OPCML: variants seen among roughly 807,000 people sequenced by gnomAD.
The protein encoded by OPCML is opioid binding protein/cell adhesion molecule like.
In OPCML, 13 loss-of-function variants were observed where a neutral mutation model predicts 37.8. The ratio of observed to expected loss-of-function variants is 0.34; its 90% CI spans 0.22 to 0.55. OPCML has a LOEUF of 0.55. OPCML is among the 20% of genes least tolerant of loss of function. The pLI, the probability that OPCML is intolerant of heterozygous loss-of-function variation, is 0.91. For synonymous variants in OPCML, 176 were observed against 168.8 expected (o/e 1.04, Z -0.33); for missense variants, 341 against 435.6 (o/e 0.78, Z 1.93).
At chr11:132,756,476 T>A (rs899488696) in intron 2 of OPCML, among the ~76,000 whole-genome samples, 2 of 152,198 alleles carry the variant, frequency 1.3e-5, no homozygotes. Flanking sequence ...ATCATCAACA[T>A]CTTTGCCATG....
chr11:132,754,040 G>A (rs915232986), intron 2 of OPCML, among the ~76,000 whole-genome samples: 2 of 152,272 alleles, frequency 1.3e-5, no homozygotes, highest in African/African-American at 2.4e-5. Context: ...ATCCATTAAG[G>A]TCTACTGTGC....
intron 1 of OPCML, among the ~76,000 whole-genome samples, chr11:133,120,609 CAT>C (rs1949405824): frequency 6.6e-6 from 1 of 152,208 alleles, no homozygotes; most frequent in Admixed American, 6.5e-5. Flanking sequence ...CCTAGGAAAT[CAT>C]AGTCAATAAT....
intron 2 of OPCML, among the ~76,000 whole-genome samples, chr11:132,810,064 T>G (rs1264383559): frequency 1.3e-5 from 2 of 152,044 alleles, no homozygotes; most frequent in Non-Finnish European, 2.9e-5. Context: ...TTGGCCAGGA[T>G]GGACTCGAAG....
At chr11:132,615,617 T>A (rs1938959391) in intron 3 of OPCML, among the ~76,000 whole-genome samples, 1 of 152,242 alleles carries the variant, frequency 6.6e-6, no homozygotes, top group Non-Finnish European at 1.5e-5. Context: ...AAGTGATTTA[T>A]ATGAGAGGAA....
At chr11:132,680,828 A>G (rs111742125) in intron 2 of OPCML, among the ~76,000 whole-genome samples, 2,698 of 152,220 alleles carry the variant, frequency 0.018, 68 homozygotes, top group African/African-American at 0.051. Context: ...TGAGACTGAC[A>G]AGCCGCTCCT....
At chr11:132,808,339 G>A (rs1009185618) in intron 2 of OPCML, among the ~76,000 whole-genome samples, 5 of 152,226 alleles carry the variant, frequency 3.3e-5, no homozygotes, top group Non-Finnish European at 7.3e-5. Flanking sequence ...TCAGCAGGAA[G>A]ACCTGCCTGA....
chr11:132,664,696 C>T (rs143819863), intron 2 of OPCML, among the ~76,000 whole-genome samples: 2 of 152,300 alleles, frequency 1.3e-5, no homozygotes, highest in African/African-American at 4.8e-5. Flanking sequence ...AAAAGCTGTT[C>T]TCCCAGGAGG....
At chr11:132,867,648 C>T (rs533590062) in intron 2 of OPCML, among the ~76,000 whole-genome samples, 1 of 152,232 alleles carries the variant, frequency 6.6e-6, no homozygotes, top group East Asian at 1.9e-4. Context: ...GGATGAGAGA[C>T]CCAAAGAGCT....
rs1481177216 is a variant in OPCML at position 132,665,550 on chromosome 11, G to A, written c.147-8231C>T. Reference sequence around the variant, plus strand: ...AAATTGCTTACAACTACAGAAGTGGGGTTAAACTGCTTGGCTGTGGGAGGA... The same window carrying A: ...AAATTGCTTACAACTACAGAAGTGGAGTTAAACTGCTTGGCTGTGGGAGGA... On this transcript the variant is annotated intron_variant, in intron 2 of 7. Transcript: ENST00000524381. Among the ~76,000 whole-genome samples the A allele has an allele frequency of 2.6e-5, 4 of 152,206 alleles. 1 individual carries two copies. Among genetic ancestry groups the A allele is most frequent in the African/African-American group, 4.8e-5 (2 of 41,446 alleles).
At chr11:132,593,084 G>A (rs1311490224) in intron 3 of OPCML, among the ~76,000 whole-genome samples, 1 of 152,176 alleles carries the variant, frequency 6.6e-6, no homozygotes, top group Non-Finnish European at 1.5e-5. Context: ...AGACTATAAA[G>A]GAGTATGAGG....
chr11:133,034,311 G>GTGTGTGTGTGTA (rs1555079947), intron 1 of OPCML, among the ~76,000 whole-genome samples: 1 of 124,726 alleles, frequency 8.0e-6, no homozygotes, highest in African/African-American at 3.6e-5. Context: ...ATGTATAGGT[G>GTGTGTGTGTGTA]TGTGTGTGTG....
intron 3 of OPCML, among the ~76,000 whole-genome samples, chr11:132,648,884 ACTC>A (rs1321527260): frequency 6.6e-6 from 1 of 151,656 alleles, no homozygotes; most frequent in Non-Finnish European, 1.5e-5. Context: ...GAAAATACCG[ACTC>A]CTCCTATTTT....
chr11:132,670,508 C>A (rs1942426422), intron 2 of OPCML, among the ~76,000 whole-genome samples: 1 of 151,904 alleles, frequency 6.6e-6, no homozygotes. Context: ...TTTATGGAAC[C>A]AAAAAATATA....
chr11:133,358,879 A>G (rs1299301425), intron 1 of OPCML, among the ~76,000 whole-genome samples: 1 of 152,032 alleles, frequency 6.6e-6, no homozygotes, highest in East Asian at 1.9e-4. Context: ...TAACAAGAAC[A>G]ACGGTGCTGA....
chr11:132,786,496 C>T (rs1221000632), intron 2 of OPCML, among the ~76,000 whole-genome samples: 1 of 152,132 alleles, frequency 6.6e-6, no homozygotes, highest in African/African-American at 2.4e-5. Flanking sequence ...TCTGGCATTT[C>T]CTAGTATGGT....
At chr11:133,273,540 C>T (rs976611732) in intron 1 of OPCML, among the ~76,000 whole-genome samples, 1 of 152,142 alleles carries the variant, frequency 6.6e-6, no homozygotes, top group East Asian at 1.9e-4. Flanking sequence ...TCTCGCAGAA[C>T]CAAAGTTCAG....
chr11:133,477,690 C>T (rs969372108), intron 1 of OPCML, among the ~76,000 whole-genome samples: 8 of 152,174 alleles, frequency 5.3e-5, no homozygotes, highest in South Asian at 2.1e-4. Flanking sequence ...ATGTCCATCA[C>T]GGGCCAGGCA....
intron 1 of OPCML, among the ~76,000 whole-genome samples, chr11:133,216,533 T>G (rs1225176123): frequency 6.6e-6 from 1 of 152,240 alleles, no homozygotes; most frequent in East Asian, 1.9e-4. Context: ...TAAATAGCTG[T>G]ATCTGCCATT....
chr11:133,312,115 CAGT>C (rs1943079428), intron 1 of OPCML, among the ~76,000 whole-genome samples: 1 of 152,166 alleles, frequency 6.6e-6, no homozygotes, highest in African/African-American at 2.4e-5. Flanking sequence ...TTAAAGATGA[CAGT>C]CATTTGGAGG....
Sources: gnomAD v4.1 joint callset for allele counts (sites outside exome capture counted in the v4.1 genomes callset) on GRCh38, gnomAD v4.1.1 for gene constraint, MANE v1.5 for transcripts, NCBI Gene and HGNC (gene_info 2026-07-23, HGNC 2026-07-21) for gene names.